Variants in PSMA1 observed in about 807,000 individuals in gnomAD.
The protein encoded by PSMA1 is proteasome 20S subunit alpha 1.
PSMA1 carries 3 observed loss-of-function variants against 38.4 expected under a neutral mutation model. The observed-to-expected ratio is 0.08, with a 90% CI of 0.04 to 0.20. The LOEUF is 0.20. Ranked by LOEUF, PSMA1 falls within the 10% of genes least tolerant of loss-of-function variation. The probability of loss-of-function intolerance (pLI) is 1.00; values close to 1 mark genes in which losing one functional copy is unlikely to be tolerated. For missense variants in PSMA1, 227 were observed against 325.3 expected (o/e 0.70, Z 2.32); for synonymous variants, 101 against 107.1 (o/e 0.94, Z 0.35).
At chr11:14,589,571 C>T (rs1437382521) in intron 2 of PSMA1, among the ~76,000 whole-genome samples, 3 of 151,770 alleles carry the variant, frequency 2.0e-5, no homozygotes, top group Non-Finnish European at 4.4e-5. Flanking sequence ...GCTTACACAC[C>T]GTATAGAAAG....
rs1213533285 is a variant in PSMA1, at chr11:14,517,808, T to C, written c.151-63A>G. 6 of 1,525,750 alleles carry C rather than the reference T, an allele frequency of 3.9e-6. No individual in the cohort carries two copies. The African/African-American group carries it at 8.5e-5, about 22-fold the overall frequency. 94.5% of individuals were successfully genotyped at this position (1,525,750 alleles called of 1,614,324 possible). A position where few individuals can be genotyped will look rare whatever the true frequency, so the allele number is the denominator to read the frequency against. ...AAAGAGACAAATGTAAAAATAAGTTTACAACCTTATTTTCTATGGTGAAAT... is the reference window on the plus strand; with the variant it reads ...AAAGAGACAAATGTAAAAATAAGTTCACAACCTTATTTTCTATGGTGAAAT... On this transcript the variant is annotated intron_variant, in intron 3 of 9. Coordinates refer to ENST00000396394, the MANE Select transcript of PSMA1 (RefSeq NM_002786.4).
intron 2 of PSMA1, among the ~76,000 whole-genome samples, chr11:14,538,759 C>A (rs573126053): frequency 1.3e-5 from 2 of 152,354 alleles, no homozygotes; most frequent in East Asian, 3.9e-4. Context: ...GAGGACAGGG[C>A]TGCCAAGGCA....
intron 2 of PSMA1, among the ~76,000 whole-genome samples, chr11:14,582,822 C>T (rs774484245): frequency 6.6e-6 from 1 of 152,090 alleles, no homozygotes; most frequent in Non-Finnish European, 1.5e-5. Flanking sequence ...TGAGCCACTG[C>T]TCCCAGCCTC....
chr11:14,526,891 CACT>C (rs1266671334), intron 2 of PSMA1, among the ~76,000 whole-genome samples: 3 of 152,142 alleles, frequency 2.0e-5, no homozygotes, highest in African/African-American at 7.2e-5. Context: ...CCACATCTAT[CACT>C]GAGGCTACCA....
At chr11:14,594,907 C>A (rs956752418) in intron 2 of PSMA1, among the ~76,000 whole-genome samples, 1 of 152,110 alleles carries the variant, frequency 6.6e-6, no homozygotes, top group African/African-American at 2.4e-5. Flanking sequence ...TATCCCTCCC[C>A]CAGCCCCCAA....
intron 4 of PSMA1, among the ~76,000 whole-genome samples, chr11:14,515,708 C>A (rs1002724022): frequency 6.6e-6 from 1 of 151,698 alleles, no homozygotes; most frequent in African/African-American, 2.4e-5. Context: ...TGCCTGCCAC[C>A]ACGTTCAGCT....
intron 2 of PSMA1, among the ~76,000 whole-genome samples, chr11:14,527,635 G>T (rs547609214): frequency 6.6e-6 from 1 of 152,286 alleles, no homozygotes; most frequent in South Asian, 2.1e-4. Context: ...CATGCCTCGA[G>T]TCAGGAAACT....
At chr11:14,521,701 G>C (rs1035165037), upstream of PSMA1, among the ~76,000 whole-genome samples, 2 of 150,510 alleles carry the variant, frequency 1.3e-5, no homozygotes, top group Non-Finnish European at 3.0e-5. Flanking sequence ...GGGAGGCGGA[G>C]GTTGCAGTGA....
chr11:14,637,944 G>A (rs909583872), intron 1 of PSMA1, among the ~76,000 whole-genome samples: 1 of 152,170 alleles, frequency 6.6e-6, no homozygotes, highest in African/African-American at 2.4e-5. Context: ...GTCCTGTGAA[G>A]TCCTGAAGGG....
chr11:14,635,321 A>G (rs1453369313), intron 1 of PSMA1, among the ~76,000 whole-genome samples: 1 of 152,204 alleles, frequency 6.6e-6, no homozygotes, highest in Non-Finnish European at 1.5e-5. Flanking sequence ...TTGAATTTAT[A>G]TAAGGTTTCT....
intron 2 of PSMA1, among the ~76,000 whole-genome samples, chr11:14,569,996 C>T (rs746819599): frequency 4.6e-5 from 7 of 152,162 alleles, no homozygotes; most frequent in African/African-American, 7.2e-5. Context: ...GGCAGGTAGC[C>T]CTCTGAGACA....
At chr11:14,622,292 T>G (rs940304857) in intron 1 of PSMA1, among the ~76,000 whole-genome samples, 1 of 152,214 alleles carries the variant, frequency 6.6e-6, no homozygotes, top group African/African-American at 2.4e-5. Flanking sequence ...ACAGTTCACA[T>G]TCCTGTGGGT....
At chr11:14,637,235 C>T (rs1351500769) in intron 1 of PSMA1, among the ~76,000 whole-genome samples, 1 of 152,134 alleles carries the variant, frequency 6.6e-6, no homozygotes, top group African/African-American at 2.4e-5. Context: ...TGTCTCATGC[C>T]TCCATGGCTT....
intron 1 of PSMA1, among the ~76,000 whole-genome samples, chr11:14,627,678 G>C (rs1461629208): frequency 2.0e-5 from 3 of 152,300 alleles, no homozygotes; most frequent in East Asian, 1.9e-4. Context: ...ATTGTTGTGA[G>C]GATGAGAATA....
At chr11:14,584,851 T>C (rs1852325215) in intron 2 of PSMA1, among the ~76,000 whole-genome samples, 1 of 152,234 alleles carries the variant, frequency 6.6e-6, no homozygotes, top group Non-Finnish European at 1.5e-5. Flanking sequence ...CAGCTGGCAA[T>C]TGTAGTAAGA....
intron 2 of PSMA1, among the ~76,000 whole-genome samples, chr11:14,563,406 G>A (rs762629404): frequency 1.3e-5 from 2 of 152,164 alleles, no homozygotes; most frequent in Non-Finnish European, 2.9e-5. Flanking sequence ...TAATTGACCT[G>A]TGCTGGGATC....
chr11:14,519,054 GA>G lies in PSMA1; in HGVS notation c.4-14del, dbSNP rs1851480885. On this transcript the variant is annotated splice_polypyrimidine_tract_variant and intron_variant, in intron 1 of 9. Transcript: ENST00000396394. ...ACTGATTTCGAAACTAAAAGTAAAA[GA>G]AAAAAATACCTGTTAATAGAAGAAC... 1.9e-6 allele frequency: 3 copies of G among 1,548,974 alleles called. No homozygotes were observed. Among genetic ancestry groups the G allele is most frequent in the African/African-American group, 1.4e-5 (1 of 72,532 alleles).
At chr11:14,512,480 T>C (rs1175498049) in intron 7 of PSMA1, among the ~76,000 whole-genome samples, 1 of 152,070 alleles carries the variant, frequency 6.6e-6, no homozygotes, top group Admixed American at 6.5e-5. Context: ...CAAAATTATC[T>C]ATAGATTTAT....
intron 2 of PSMA1, among the ~76,000 whole-genome samples, chr11:14,557,478 G>A (rs1391351590): frequency 2.6e-5 from 4 of 152,122 alleles, no homozygotes; most frequent in East Asian, 3.9e-4. Context: ...TCTTGACTTC[G>A]TGATCCGCCC....
Sources: gnomAD v4.1 joint callset for allele counts (sites outside exome capture counted in the v4.1 genomes callset) on GRCh38, gnomAD v4.1.1 for gene constraint, MANE v1.5 for transcripts, NCBI Gene and HGNC (gene_info 2026-07-23, HGNC 2026-07-21) for gene names.